Variants in USH2A observed in about 807,000 individuals in gnomAD.
USH2A encodes usherin.
A neutral mutation model predicts 538.9 loss-of-function variants in USH2A; 443 were observed. The observed-to-expected ratio is 0.82, with a 90% CI of 0.76 to 0.89. The LOEUF is 0.89. USH2A is among the 40% of genes least tolerant of loss of function. USH2A has a pLI of 0.00. For missense variants in USH2A, 6,633 were observed against 6,324.8 expected (o/e 1.05, Z -1.65); for synonymous variants, 2,413 against 2,273.5 (o/e 1.06, Z -1.75).
chr1:215,820,380 G>A (rs1053916381), intron 47 of USH2A, among the ~76,000 whole-genome samples: 2 of 151,498 alleles, frequency 1.3e-5, no homozygotes, highest in African/African-American at 2.4e-5. Flanking sequence ...AAAGTAACAG[G>A]CTTTACTAGC....
At chr1:215,909,078 G>C (rs1254946604) in intron 38 of USH2A, among the ~76,000 whole-genome samples, 1 of 150,748 alleles carries the variant, frequency 6.6e-6, no homozygotes, top group Non-Finnish European at 1.5e-5. Flanking sequence ...CTGATATAAT[G>C]TATGTGTGTG....
chr1:215,980,321 T>C (rs114373196), intron 35 of USH2A, among the ~76,000 whole-genome samples: 2,218 of 152,274 alleles, frequency 0.015, 40 homozygotes, highest in African/African-American at 0.048. Context: ...GCCAGTGTTA[T>C]ACAGCTAGGA....
intron 9 of USH2A, among the ~76,000 whole-genome samples, chr1:216,314,127 T>A (rs575115647): frequency 7.8e-4 from 119 of 152,308 alleles, no homozygotes; most frequent in Admixed American, 1.8e-3. Context: ...CCTTCAAATA[T>A]TATCTTTTCT....
intron 14 of USH2A, among the ~76,000 whole-genome samples, chr1:216,219,267 A>G (rs1335376407): frequency 6.6e-6 from 1 of 152,076 alleles, no homozygotes; most frequent in Admixed American, 6.6e-5. Context: ...GTTATAGTCA[A>G]CTTATCTGAC....
chr1:215,671,677 C>T lies in USH2A; in HGVS notation c.13812-384G>A, dbSNP rs553477339. ...AATAAATAACTCTCAAGATTCTTTC[C>T]GGCATGAAAATTCTGGTACTCTTCA... On this transcript the variant is annotated intron_variant, in intron 63 of 71. Coordinates refer to ENST00000307340, the MANE Select transcript of USH2A (RefSeq NM_206933.4). Among the ~76,000 whole-genome samples, 63 of 152,220 alleles carry T rather than the reference C, an allele frequency of 4.1e-4. 1 individual carries two copies. The highest frequency in any genetic ancestry group is 1.5e-3 in the African/African-American group (61 of 41,534).
chr1:216,192,566 G>A (rs974510664), intron 19 of USH2A, among the ~76,000 whole-genome samples: 1 of 151,926 alleles, frequency 6.6e-6, no homozygotes, highest in Non-Finnish European at 1.5e-5. Flanking sequence ...GTCAGGTGTA[G>A]TGGCACACAC....
chr1:216,004,057 C>A (rs959854682), intron 32 of USH2A, among the ~76,000 whole-genome samples: 6 of 151,990 alleles, frequency 3.9e-5, no homozygotes, highest in Non-Finnish European at 5.9e-5. Flanking sequence ...TTGACCTGAG[C>A]AAAGGGAAGG....
chr1:216,038,710 T>C (rs567150092), intron 32 of USH2A, among the ~76,000 whole-genome samples: 7 of 152,134 alleles, frequency 4.6e-5, no homozygotes, highest in African/African-American at 1.7e-4. Flanking sequence ...TTAAGATGTG[T>C]CCACTTTTCT....
chr1:216,033,628 A>C (rs534026674), intron 32 of USH2A, among the ~76,000 whole-genome samples: 1 of 152,316 alleles, frequency 6.6e-6, no homozygotes, highest in African/African-American at 2.4e-5. Context: ...GGATGTGCAG[A>C]TCTCTTGAGC....
At chr1:215,871,221 T>C (rs1042068546) in intron 43 of USH2A, among the ~76,000 whole-genome samples, 2 of 152,202 alleles carry the variant, frequency 1.3e-5, no homozygotes, top group Admixed American at 1.3e-4. Context: ...TAGACATGAC[T>C]ATGGTAATTT....
intron 30 of USH2A, among the ~76,000 whole-genome samples, chr1:216,066,959 G>T (rs4655445): frequency 0.57 from 87,315 of 151,986 alleles, 26,851 homozygotes; most frequent in African/African-American, 0.82. Flanking sequence ...TTATTCCACT[G>T]CTAGGGATTT....
chr1:215,877,915 T>C (rs368781614), intron 42 of USH2A, 35 bp from the exon 43 acceptor site: 74 of 1,612,946 alleles, frequency 4.6e-5, no homozygotes, highest in Admixed American at 3.8e-4. Flanking sequence ...ATCAGGATTA[T>C]CTCAACTCAT....
chr1:216,273,077 C>T (rs769629645), intron 11 of USH2A, among the ~76,000 whole-genome samples: 1 of 151,860 alleles, frequency 6.6e-6, no homozygotes, highest in Non-Finnish European at 1.5e-5. Context: ...AGAAGCCTCC[C>T]AAAAAAAGCA....
In USH2A at chr1:215,844,471, C is replaced by T; in HGVS notation, c.9081G>A (p.Glu3027=). 1 of 1,611,240 alleles carries T rather than the reference C, an allele frequency of 6.2e-7. No individual in the cohort carries two copies. The highest frequency in any genetic ancestry group is 8.5e-7 in the Non-Finnish European group (1 of 1,179,808). Residue 3027 remains glutamate, a synonymous_variant, in exon 46 of 72, where the codon GAG becomes GAA. Transcript: ENST00000307340. ...CAGCTGTACTGTTGATGATGACAAC[C>T]TCTGGAGGAAGCATGCCCTGAGGCT... is the stretch of plus-strand genomic sequence containing the variant. The part of the protein sequence containing the change: ...DGEPQGMLPP[E]VVIINSTAVR...
At chr1:215,670,243 T>C (rs536855110) in intron 64 of USH2A, among the ~76,000 whole-genome samples, 2 of 152,314 alleles carry the variant, frequency 1.3e-5, no homozygotes, top group African/African-American at 4.8e-5. Flanking sequence ...GCGGCTCATG[T>C]GCCCACCACT....
intron 21 of USH2A, among the ~76,000 whole-genome samples, chr1:216,114,387 A>C (rs1468401255): frequency 6.6e-6 from 1 of 152,112 alleles, no homozygotes; most frequent in Non-Finnish European, 1.5e-5. Context: ...ACACTAAATA[A>C]CAGTGGAGGT....
chr1:215,718,561 C>G, intron 61 of USH2A, among the ~76,000 whole-genome samples: 1 of 152,298 alleles, frequency 6.6e-6, no homozygotes, highest in Admixed American at 6.5e-5. Context: ...AATGCAATTC[C>G]CTCTCTATTT....
rs138959688 is a variant in USH2A, at chr1:215,993,114, G to C, written c.6711C>G (p.Asp2237Glu). The C allele has an allele frequency of 2.0e-5, 33 of 1,614,024 alleles. 2 individuals carry two copies. In the South Asian group the frequency reaches 3.1e-4, roughly 15 times the overall value. ...CTGGCACGCCTTCGGGTATGTCCTC[G>C]TCAGTTAGGGCCTCACTGGCCTCAC... ...TVSEASEALT[D>E]EDIPEGVPAP... Residue 2237 changes from aspartate (D) to glutamate (E), a missense_variant, in exon 35 of 72, where the codon GAC becomes GAG. Transcript: ENST00000307340.
rs2034848829 is a variant in USH2A, at chr1:216,196,573, T to A, written c.4231A>T (p.Ile1411Phe). ...MLSEQSPQQS[I>F]PMAFSQLLHT... is the part of the protein sequence containing the mutation. ...AATACCTGTGAAAACGCCATGGGAA[T>A]AGACTGTTGAGGTGATTGTTCAGAA... The change falls in exon 19 of 72, where the codon ATT (isoleucine) becomes TTT (phenylalanine). Residue 1411 changes from isoleucine to phenylalanine, a missense_variant. Coordinates refer to ENST00000307340, the MANE Select transcript of USH2A (RefSeq NM_206933.4). The A allele has an allele frequency of 6.2e-7, 1 of 1,613,482 alleles. No individual in the cohort carries two copies. The highest frequency in any genetic ancestry group is 8.5e-7 in the Non-Finnish European group (1 of 1,179,600).
Sources: gnomAD v4.1 joint callset for allele counts (sites outside exome capture counted in the v4.1 genomes callset) on GRCh38, gnomAD v4.1.1 for gene constraint, MANE v1.5 for transcripts, NCBI Gene and HGNC (gene_info 2026-07-23, HGNC 2026-07-21) for gene names.